The following ARHGEF4 variants were observed in gnomAD, a reference collection of about 807,000 sequenced individuals.
ARHGEF4 encodes the protein Rho guanine nucleotide exchange factor 4.
In ARHGEF4, 119 loss-of-function variants were observed where a neutral mutation model predicts 162.0. The observed-to-expected ratio is 0.73, with a 90% CI of 0.63 to 0.86. The LOEUF is 0.86. ARHGEF4 is among the 40% of genes least tolerant of loss of function. ARHGEF4 has a pLI of 0.00. For missense variants in ARHGEF4, 2,488 were observed against 2,456.0 expected (o/e 1.01, Z -0.28); for synonymous variants, 1,014 against 979.9 (o/e 1.03, Z -0.65).
chr2:130,851,405 C>T (rs1035871442), intron 1 of ARHGEF4, among the ~76,000 whole-genome samples: 1 of 152,246 alleles, frequency 6.6e-6, no homozygotes, highest in East Asian at 1.9e-4. Context: ...AAGCTCACAT[C>T]TTCCCATGAG....
At chr2:130,970,683 G>C (rs1685304412) in intron 4 of ARHGEF4, among the ~76,000 whole-genome samples, 1 of 151,966 alleles carries the variant, frequency 6.6e-6, no homozygotes, top group African/African-American at 2.4e-5. Context: ...CTAATGCTGA[G>C]CATCTTTTCA....
At chr2:130,975,001 TA>T (rs965406128) in intron 4 of ARHGEF4, among the ~76,000 whole-genome samples, 79 of 151,516 alleles carry the variant, frequency 5.2e-4, no homozygotes, top group African/African-American at 1.6e-3. Flanking sequence ...CCTTTTCCTT[TA>T]AAAAAAAATA....
intron 1 of ARHGEF4, among the ~76,000 whole-genome samples, chr2:130,886,635 C>T (rs957391405): frequency 3.3e-5 from 5 of 150,302 alleles, no homozygotes; most frequent in South Asian, 2.1e-4. Context: ...GAGCCGAGAT[C>T]GCGCCACTGC....
chr2:130,913,428 T>C (rs1033350077), intron 1 of ARHGEF4, among the ~76,000 whole-genome samples: 6 of 152,246 alleles, frequency 3.9e-5, no homozygotes, highest in African/African-American at 1.4e-4. Flanking sequence ...ATTTTTCTTC[T>C]TGTCTTCAAA....
At chr2:130,886,375 A>T (rs1679521427) in intron 1 of ARHGEF4, among the ~76,000 whole-genome samples, 1 of 151,908 alleles carries the variant, frequency 6.6e-6, no homozygotes, top group African/African-American at 2.4e-5. Flanking sequence ...ATTCTGAAAG[A>T]TTTTTATAAG....
rs986514405 is a variant in ARHGEF4, at chr2:130,988,893, T to G, written c.3986-39052T>G. 7.6e-3 allele frequency among the ~76,000 whole-genome samples: 864 copies of G among 113,138 alleles called. 3 individuals carry two copies. The highest frequency in any genetic ancestry group is 0.015 in the African/African-American group (447 of 30,444). 74.2% of individuals were successfully genotyped at this position (113,138 alleles called of 152,430 possible). ...GTGTGTATATATATATATATATATA[T>G]ATATATATAGAGAGAGAGAGAGAGA... On this transcript the variant is annotated intron_variant, in intron 4 of 13. Coordinates refer to ENST00000409359, the MANE Select transcript of ARHGEF4 (RefSeq NM_001367493.1).
At chr2:130,842,091 C>T (rs1680652252) in intron 1 of ARHGEF4, among the ~76,000 whole-genome samples, 1 of 152,166 alleles carries the variant, frequency 6.6e-6, no homozygotes, top group Admixed American at 6.5e-5. Context: ...AATTGGTTCC[C>T]TTGGCTATGC....
chr2:131,001,305 A>G lies in ARHGEF4; in HGVS notation c.3986-26640A>G, dbSNP rs893147721. On this transcript the variant is annotated intron_variant, in intron 4 of 13. Coordinates refer to ENST00000409359, the MANE Select transcript of ARHGEF4 (RefSeq NM_001367493.1). ...GCGACAGAGTGAGACTGTGTCTCAA[A>G]AAAAAAAAAAAAAAAAAAAAAAACA... is the stretch of plus-strand genomic sequence containing the variant. 9.8e-5 allele frequency among the ~76,000 whole-genome samples: 14 copies of G among 142,716 alleles called. 1 individual carries two copies. In the South Asian group the frequency reaches 1.5e-3, roughly 15 times the overall value. 93.6% of individuals were successfully genotyped at this position (142,716 alleles called of 152,430 possible).
At chr2:130,991,562 C>A (rs148367513) in intron 4 of ARHGEF4, among the ~76,000 whole-genome samples, 2 of 152,306 alleles carry the variant, frequency 1.3e-5, no homozygotes, top group Admixed American at 6.5e-5. Flanking sequence ...CCTGCCGGCC[C>A]CGGGCAATGA....
intron 1 of ARHGEF4, among the ~76,000 whole-genome samples, chr2:130,884,835 C>T (rs1679412320): frequency 2.6e-5 from 4 of 152,028 alleles, no homozygotes; most frequent in African/African-American, 9.7e-5. Flanking sequence ...AATCATACGC[C>T]ATAGAACAGT....
At chr2:130,962,233 G>A (rs1381565635) in intron 4 of ARHGEF4, among the ~76,000 whole-genome samples, 15 of 57,244 alleles carry the variant, frequency 2.6e-4, no homozygotes, top group South Asian at 1.0e-3. Flanking sequence ...GCAAGTTTCC[G>A]TTTCAAAAAA....
chr2:130,890,750 C>G (rs993347813), intron 1 of ARHGEF4, among the ~76,000 whole-genome samples: 1 of 152,010 alleles, frequency 6.6e-6, no homozygotes, highest in African/African-American at 2.4e-5. Context: ...GGAGTTCTGT[C>G]TAGTTTCCTG....
Position 130,915,998 on chromosome 2 carries a change from A to G in ARHGEF4, c.2052A>G (p.Pro684=). 1 of 1,550,508 alleles carries G rather than the reference A, an allele frequency of 6.4e-7. No individual in the cohort carries two copies. Among genetic ancestry groups the G allele is most frequent in the East Asian group, 2.4e-5 (1 of 40,910 alleles). Residue 684 remains proline (P), a synonymous_variant, in exon 2 of 14, where the codon CCA becomes CCG. Coordinates refer to ENST00000409359, the MANE Select transcript of ARHGEF4 (RefSeq NM_001367493.1). ...AGTCTCCCACTAGGGGGAAAACACCAGCCGGTAATGAGTGTGAGTTGCCAG... is the reference window on the plus strand; with the variant it reads ...AGTCTCCCACTAGGGGGAAAACACCGGCCGGTAATGAGTGTGAGTTGCCAG... The part of the protein sequence containing the change: ...PCESPTRGKT[P]AGNECELPAA...
intron 10 of ARHGEF4, 103 bp from the exon 11 acceptor site, chr2:131,043,349 G>C (rs1014446234): frequency 1.3e-6 from 2 of 1,525,090 alleles, no homozygotes; most frequent in Non-Finnish European, 1.8e-6. Context: ...GGGCGCTGCA[G>C]GCAAGGCCAG....
At chr2:130,956,087 T>C (rs1258420158) in intron 4 of ARHGEF4, among the ~76,000 whole-genome samples, 1 of 152,216 alleles carries the variant, frequency 6.6e-6, no homozygotes, top group African/African-American at 2.4e-5. Context: ...TCTCCTGGCA[T>C]GGAACCACCA....
chr2:130,920,794 T>C (rs1483206362), intron 2 of ARHGEF4, among the ~76,000 whole-genome samples: 1 of 152,254 alleles, frequency 6.6e-6, no homozygotes, highest in African/African-American at 2.4e-5. Context: ...ACAAGTTTTA[T>C]ATATGTAACA....
intron 2 of ARHGEF4, among the ~76,000 whole-genome samples, chr2:130,920,005 CGTT>C (rs1301047133): frequency 6.6e-6 from 1 of 152,194 alleles, no homozygotes; most frequent in Non-Finnish European, 1.5e-5. Flanking sequence ...CCTGTGCTCA[CGTT>C]GTGCATGGGA....
chr2:130,955,106 T>C (rs1406052500), intron 4 of ARHGEF4, among the ~76,000 whole-genome samples: 1 of 152,228 alleles, frequency 6.6e-6, no homozygotes, highest in Non-Finnish European at 1.5e-5. Flanking sequence ...TTATTGTACT[T>C]TTCAACTCCA....
At position 130,946,560 on chromosome 2, in the gene ARHGEF4, A is replaced by G. The variant is rs777551060; in HGVS notation, c.3910A>G (p.Arg1304Gly). The G allele has an allele frequency of 3.1e-6, 5 of 1,614,108 alleles. No homozygotes were observed. In the East Asian group the frequency reaches 1.1e-4, roughly 36 times the overall value. The part of the protein sequence containing the change: ...TSPESLNLPR[R>G]SHPLSQSAPT... ...TCCAGAGTCTTTGAATCTCCCTAGA[A>G]GAAGCCATCCACTCTCCCAGAGTGC... Residue 1304 changes from arginine (R) to glycine (G), a missense_variant, in exon 4 of 14, where the codon AGA becomes GGA. This residue lies in a region of ARHGEF4 where 1,642 missense variants were observed against 1,481.5 expected (regional missense o/e 1.11). Transcript: ENST00000409359.
Sources: gnomAD v4.1 joint callset for allele counts (sites outside exome capture counted in the v4.1 genomes callset) on GRCh38, gnomAD v4.1.1 for gene constraint, gnomAD v4.1.1 regional missense constraint, MANE v1.5 for transcripts, NCBI Gene and HGNC (gene_info 2026-07-23, HGNC 2026-07-21) for gene names.